The following NKAIN2 variants were observed in gnomAD, a reference collection of about 807,000 sequenced individuals.
The protein encoded by NKAIN2 is sodium/potassium transporting ATPase interacting 2, also known as sodium/potassium-transporting ATPase subunit beta-1-interacting protein 2.
In NKAIN2, 14 loss-of-function variants were observed where a neutral mutation model predicts 32.6. The ratio of observed to expected loss-of-function variants is 0.43; its 90% CI spans 0.28 to 0.67. NKAIN2 has a LOEUF of 0.67. Ranked by LOEUF, NKAIN2 falls within the 30% of genes least tolerant of loss-of-function variation. The pLI is 0.17. For synonymous variants in NKAIN2, 80 were observed against 87.2 expected, an observed-to-expected ratio of 0.92 and a Z score of 0.46; for missense variants, 198 against 258.3, an observed-to-expected ratio of 0.77 and a Z score of 1.60.
At chr6:124,661,793 C>T (rs1314215880) in intron 4 of NKAIN2, among the ~76,000 whole-genome samples, 3 of 151,988 alleles carry the variant, frequency 2.0e-5, no homozygotes, top group Non-Finnish European at 2.9e-5. Context: ...TAAAAAAATC[C>T]ACATTTTCAA....
intron 3 of NKAIN2, among the ~76,000 whole-genome samples, chr6:124,657,637 C>T (rs2114423363): frequency 6.6e-6 from 1 of 152,074 alleles, no homozygotes; most frequent in Non-Finnish European, 1.5e-5. Flanking sequence ...CACTGATTTG[C>T]CCAAATAACA....
chr6:124,011,669 C>T (rs1190905064), intron 1 of NKAIN2, among the ~76,000 whole-genome samples: 4 of 152,114 alleles, frequency 2.6e-5, no homozygotes, highest in Admixed American at 6.6e-5. Context: ...ACTTTTTATA[C>T]GTTATGGCTA....
At chr6:123,829,187 C>T (rs987455448) in intron 1 of NKAIN2, 3 of 152,166 alleles carry the variant, frequency 2.0e-5, no homozygotes, top group Non-Finnish European at 4.4e-5. Context: ...CTTTCTTATT[C>T]TAACTCTACT....
At chr6:124,361,128 G>A (rs1167872481) in intron 3 of NKAIN2, among the ~76,000 whole-genome samples, 1 of 152,004 alleles carries the variant, frequency 6.6e-6, no homozygotes. Context: ...AAAGTATATA[G>A]CAGTAGGAAA....
chr6:124,332,901 T>G (rs1757335357), intron 2 of NKAIN2, among the ~76,000 whole-genome samples: 1 of 152,194 alleles, frequency 6.6e-6, no homozygotes, highest in South Asian at 2.1e-4. Context: ...CAAAAGTAGA[T>G]AGAACTAGAA....
intron 1 of NKAIN2, among the ~76,000 whole-genome samples, chr6:124,146,530 G>T (rs921671760): frequency 4.6e-5 from 7 of 152,110 alleles, no homozygotes; most frequent in African/African-American, 1.4e-4. Flanking sequence ...GTACTCCCAG[G>T]TTTATACCCT....
intron 1 of NKAIN2, among the ~76,000 whole-genome samples, chr6:124,229,826 G>A (rs920791913): frequency 6.6e-6 from 1 of 152,118 alleles, no homozygotes; most frequent in Non-Finnish European, 1.5e-5. Flanking sequence ...CAGCCACGTG[G>A]AACTGTTAAG....
chr6:124,281,239 T>C (rs1795280370), intron 1 of NKAIN2, among the ~76,000 whole-genome samples: 1 of 152,202 alleles, frequency 6.6e-6, no homozygotes, highest in Non-Finnish European at 1.5e-5. Context: ...TATTTATTCA[T>C]AAAATAAGGC....
intron 1 of NKAIN2, among the ~76,000 whole-genome samples, chr6:123,833,956 G>A (rs186712318): frequency 2.1e-4 from 32 of 151,778 alleles, no homozygotes; most frequent in Admixed American, 6.6e-5. Context: ...TCAAACACCC[G>A]ACCTCTTGAT....
intron 1 of NKAIN2, among the ~76,000 whole-genome samples, chr6:124,247,957 G>C (rs867358469): frequency 5.0e-4 from 76 of 151,972 alleles, no homozygotes; most frequent in African/African-American, 1.8e-3. Flanking sequence ...AGCTATTGTT[G>C]AAATAATCAA....
At chr6:124,005,050 C>A (rs1780022127) in intron 1 of NKAIN2, among the ~76,000 whole-genome samples, 1 of 151,900 alleles carries the variant, frequency 6.6e-6, no homozygotes, top group Admixed American at 6.6e-5. Context: ...GATAGTGAAA[C>A]CCTGTCTTTA....
intron 3 of NKAIN2, among the ~76,000 whole-genome samples, chr6:124,413,071 T>TCAC (rs1260836543): frequency 6.6e-6 from 1 of 152,118 alleles, no homozygotes; most frequent in Non-Finnish European, 1.5e-5. Flanking sequence ...GTGCTGTCTG[T>TCAC]CACCCCTTTC....
chr6:124,264,336 C>T (rs1794386842), intron 1 of NKAIN2, among the ~76,000 whole-genome samples: 1 of 152,128 alleles, frequency 6.6e-6, no homozygotes, highest in Non-Finnish European at 1.5e-5. Context: ...TGTCACTGCC[C>T]AGTCTGGGAG....
chr6:124,062,217 A>C (rs1782946110), intron 1 of NKAIN2, among the ~76,000 whole-genome samples: 1 of 152,188 alleles, frequency 6.6e-6, no homozygotes, highest in South Asian at 2.1e-4. Flanking sequence ...ATAGTGTTTA[A>C]GATTAAGAAC....
intron 4 of NKAIN2, among the ~76,000 whole-genome samples, chr6:124,780,839 A>G (rs1779229910): frequency 6.6e-6 from 1 of 152,176 alleles, no homozygotes; most frequent in South Asian, 2.1e-4. Flanking sequence ...CGTGTAAGCA[A>G]TTCAGAGGAG....
chr6:124,447,509 CGGTCACAACAAAGGAATA>C, intron 3 of NKAIN2, among the ~76,000 whole-genome samples: 2 of 152,058 alleles, frequency 1.3e-5, no homozygotes, highest in Non-Finnish European at 2.9e-5. Context: ...AATAAAATTT[CGGTCACAACAAAGGAATA>C]CTCTGCTTGG....
chr6:124,167,427 A>G (rs934228709), intron 1 of NKAIN2, among the ~76,000 whole-genome samples: 6 of 152,138 alleles, frequency 3.9e-5, no homozygotes, highest in South Asian at 4.1e-4. Flanking sequence ...GGCTGAGACA[A>G]TGGGGTTTTT....
At chr6:124,772,374 A>T (rs1262063712) in intron 4 of NKAIN2, among the ~76,000 whole-genome samples, 2 of 152,116 alleles carry the variant, frequency 1.3e-5, no homozygotes, top group African/African-American at 4.8e-5. Flanking sequence ...CGAGGGCCAG[A>T]GTTAAGGGGG....
intron 1 of NKAIN2, among the ~76,000 whole-genome samples, chr6:124,112,525 T>C (rs537997425): frequency 6.6e-6 from 1 of 152,282 alleles, no homozygotes; most frequent in South Asian, 2.1e-4. Flanking sequence ...AATTTGATTA[T>C]AATGTGCCTC....
Sources: allele counts gnomAD v4.1 joint callset (sites outside exome capture counted in the v4.1 genomes callset), GRCh38; gene constraint gnomAD v4.1.1; transcripts MANE v1.5; gene names NCBI Gene and HGNC (gene_info 2026-07-23, HGNC 2026-07-21).